The following UNC79 variants were observed in gnomAD, a reference collection of about 807,000 sequenced individuals.
UNC79 encodes the protein protein unc-79 homolog.
A neutral mutation model predicts 283.1 loss-of-function variants in UNC79; 37 were observed. The observed-to-expected ratio is 0.13, with a 90% confidence interval of 0.10 to 0.17. The LOEUF is 0.17. Ranked by LOEUF, UNC79 falls within the 10% of genes least tolerant of loss-of-function variation. The pLI is 1.00. For synonymous variants in UNC79, 1,107 were observed against 1,200.2 expected, an observed-to-expected ratio of 0.92 and a Z score of 1.61; for missense variants, 2,272 against 3,211.1, an observed-to-expected ratio of 0.71 and a Z score of 7.07.
intron 47 of UNC79, among the ~76,000 whole-genome samples, chr14:93,698,272 C>G (rs2075287934): frequency 6.6e-6 from 1 of 151,948 alleles, no homozygotes; most frequent in South Asian, 2.1e-4. Flanking sequence ...TCTTCTATGT[C>G]CTTCTTGTTA....
chr14:93,683,168 A>C (rs2140845556), intron 42 of UNC79, among the ~76,000 whole-genome samples: 1 of 152,204 alleles, frequency 6.6e-6, no homozygotes, highest in South Asian at 2.1e-4. Context: ...AATGTAATAC[A>C]AGGTTCTATG....
chr14:93,636,333 TC>T (rs1466545907), intron 31 of UNC79, among the ~76,000 whole-genome samples: 1 of 152,226 alleles, frequency 6.6e-6, no homozygotes, highest in Non-Finnish European at 1.5e-5. Context: ...AAATTGGTTC[TC>T]GTGGTTCTCG....
At position 93,550,527 on chromosome 14, in the gene UNC79, A is replaced by AG. The variant is rs1404382595; in HGVS notation, c.1755+7831_1755+7832insG. On this transcript the variant is annotated intron_variant, in intron 14 of 48. Coordinates refer to ENST00000555664, the Ensembl canonical transcript of UNC79. ...AAGACTCCGTATCAAAAAAAAAAAA[A>AG]AAAAAAAAAAAAAAGAGGAAGGAGT... Among the ~76,000 whole-genome samples, 4 of 125,828 alleles carry AG rather than the reference A, an allele frequency of 3.2e-5. No individual in the cohort carries two copies. The East Asian group carries it at 7.4e-4, about 23-fold the overall frequency. 82.5% of individuals were successfully genotyped at this position (125,828 alleles called of 152,430 possible).
intron 1 of UNC79, among the ~76,000 whole-genome samples, chr14:93,436,922 A>C (rs2056103574): frequency 6.6e-6 from 1 of 152,012 alleles, no homozygotes; most frequent in Non-Finnish European, 1.5e-5. Flanking sequence ...TTATCATGTG[A>C]GTCTCATTTG....
chr14:93,675,360 G>T (rs1566905864), intron 41 of UNC79, among the ~76,000 whole-genome samples: 1 of 152,184 alleles, frequency 6.6e-6, no homozygotes, highest in Non-Finnish European at 1.5e-5. Context: ...CCTGACATGG[G>T]CCAGGTGCTC....
intron 26 of UNC79, among the ~76,000 whole-genome samples, chr14:93,604,561 A>G (rs2065750332): frequency 6.6e-6 from 1 of 152,192 alleles, no homozygotes; most frequent in Non-Finnish European, 1.5e-5. Context: ...CCTAGAAACC[A>G]ATACCTAGAT....
chr14:93,702,981 C>A (rs1314001291), intron 47 of UNC79, among the ~76,000 whole-genome samples: 1 of 152,240 alleles, frequency 6.6e-6, no homozygotes, highest in Non-Finnish European at 1.5e-5. Flanking sequence ...TAGAGCATCC[C>A]CTCTTCGGAA....
intron 26 of UNC79, among the ~76,000 whole-genome samples, chr14:93,608,805 T>G (rs1418373050): frequency 1.3e-5 from 2 of 152,242 alleles, no homozygotes; most frequent in South Asian, 4.1e-4. Flanking sequence ...TTTTCTCTTA[T>G]ACAGAATGTA....
rs558993843 is a variant in UNC79 at position 93,384,643 on chromosome 14, C to T, written c.-351+51120C>T. 1.1e-3 allele frequency among the ~76,000 whole-genome samples: 164 copies of T among 152,320 alleles called. 4 individuals carry two copies. The highest frequency in any genetic ancestry group is 3.2e-3 in the Admixed American group (49 of 15,306). ...TAGTTTGCAAATATTTTCTCCCATT[C>T]TGTGGGTTGTCTCTTTGCTTTGTTG... On this transcript the variant is annotated intron_variant, in intron 1 of 49. Coordinates refer to the UNC79 transcript ENST00000256339.
chr14:93,491,561 T>A (rs927750243), intron 5 of UNC79, among the ~76,000 whole-genome samples: 4 of 152,146 alleles, frequency 2.6e-5, no homozygotes, highest in Admixed American at 1.3e-4. Context: ...GAGCAAGTTT[T>A]TTACCCCCTG....
chr14:93,651,095 G>T (rs1242797421), intron 35 of UNC79, among the ~76,000 whole-genome samples: 1 of 152,094 alleles, frequency 6.6e-6, no homozygotes, highest in Non-Finnish European at 1.5e-5. Context: ...CCATGGAAGG[G>T]TGGATCTATT....
intron 34 of UNC79, 151 bp from the exon 38 acceptor site, chr14:93,646,457 G>C: frequency 6.1e-6 from 4 of 654,394 alleles, no homozygotes; most frequent in Non-Finnish European, 1.0e-5. Flanking sequence ...ACTGACCACT[G>C]AGTGGGCCCT....
intron 30 of UNC79, among the ~76,000 whole-genome samples, chr14:93,624,849 G>A (rs549555190): frequency 9.6e-4 from 146 of 152,072 alleles, no homozygotes; most frequent in Non-Finnish European, 1.4e-3. Flanking sequence ...GAGTGAGGGA[G>A]GCCCATACAC....
chr14:93,637,870 C>G (rs1420644914), intron 32 of UNC79, among the ~76,000 whole-genome samples: 1 of 152,196 alleles, frequency 6.6e-6, no homozygotes, highest in Non-Finnish European at 1.5e-5. Context: ...CATGCCATAT[C>G]TACTCTTCTG....
intron 7 of UNC79, among the ~76,000 whole-genome samples, chr14:93,514,968 A>G (rs2059988516): frequency 6.6e-6 from 1 of 151,994 alleles, no homozygotes. Flanking sequence ...ACACATTCTC[A>G]TCCCTCTTTC....
At position 93,597,330 on chromosome 14, in the gene UNC79, C is replaced by T. The variant is rs12435463; in HGVS notation, c.3191-29C>T. Reference sequence around the variant, plus strand: ...GTGCCTGTAGGTGTGTGTGTATTTACGTATTTTGCCTTCTCTTTTACATTG... The same window carrying T: ...GTGCCTGTAGGTGTGTGTGTATTTATGTATTTTGCCTTCTCTTTTACATTG... On this transcript the variant is annotated intron_variant, in intron 23 of 48. Coordinates refer to ENST00000555664, the Ensembl canonical transcript of UNC79. 18,391 of 1,607,652 alleles carry T rather than the reference C, an allele frequency of 0.011. 937 individuals are homozygous for T. In the African/African-American group the frequency reaches 0.13, roughly 11 times the overall value.
At chr14:93,635,747 T>A (rs1439887475) in intron 31 of UNC79, among the ~76,000 whole-genome samples, 1 of 152,136 alleles carries the variant, frequency 6.6e-6, no homozygotes, top group Admixed American at 6.5e-5. Context: ...ATTGTAAAGG[T>A]TTAGTGTTTT....
At chr14:93,478,233 G>A (rs2057914792) in intron 4 of UNC79, among the ~76,000 whole-genome samples, 1 of 152,122 alleles carries the variant, frequency 6.6e-6, no homozygotes, top group Non-Finnish European at 1.5e-5. Flanking sequence ...TAGAGGTATC[G>A]TGATGATAAA....
chr14:93,682,665 A>C lies in UNC79; in HGVS notation c.6790A>C (p.Ser2264Arg), dbSNP rs765501988. Residue 2264 changes from serine (S) to arginine (R), a missense_variant, in exon 42 of 49, where the codon AGC (serine) becomes CGC (arginine). This residue lies in a region of UNC79 where 287 missense variants were observed against 446.4 expected (regional missense o/e 0.64). Coordinates refer to ENST00000555664, the Ensembl canonical transcript of UNC79. ...CAAACTAGCTGAGTCAACAATCCTG[A>C]GCAAGCAGATGATAGCCTCTGTACC... 1.1e-5 allele frequency: 18 copies of C among 1,614,046 alleles called. 1 individual carries two copies. In the Admixed American group the frequency reaches 2.3e-4, roughly 21 times the overall value.
Sources: gnomAD v4.1 joint callset for allele counts (sites outside exome capture counted in the v4.1 genomes callset) on GRCh38, gnomAD v4.1.1 for gene constraint, gnomAD v4.1.1 regional missense constraint, MANE v1.5 for transcripts, NCBI Gene and HGNC (gene_info 2026-07-23, HGNC 2026-07-21) for gene names.